CADPS2: variants seen among roughly 807,000 people sequenced by gnomAD.
CADPS2 encodes the protein calcium dependent secretion activator 2.
CADPS2 carries 93 observed loss-of-function variants against 172.5 expected under a neutral mutation model. The observed-to-expected ratio is 0.54, with a 90% CI of 0.46 to 0.64. The LOEUF is 0.64. Among genes scored for constraint, CADPS2 ranks in the 30% least tolerant of loss-of-function variants. The pLI, the probability that CADPS2 is intolerant of heterozygous loss-of-function variation, is 0.00. For missense variants in CADPS2, 1,420 were observed against 1,565.9 expected (o/e 0.91, Z 1.57); for synonymous variants, 546 against 555.2 (o/e 0.98, Z 0.23).
Position 122,698,245 on chromosome 7 carries a change from C to T in CADPS2, c.454-34676G>A, listed in dbSNP as rs751841527. On this transcript the variant is annotated intron_variant, in intron 2 of 29. Coordinates refer to ENST00000449022, the MANE Select transcript of CADPS2 (RefSeq NM_017954.11). ...TGTGTTCTGAAGATCTGTTGTTAATCGCTGCCATCTCCGGTTCTGAATCCT... is the reference window on the plus strand; with the variant it reads ...TGTGTTCTGAAGATCTGTTGTTAATTGCTGCCATCTCCGGTTCTGAATCCT... 1.3e-5 allele frequency: 21 copies of T among 1,613,788 alleles called. No individual in the cohort carries two copies. The highest frequency in any genetic ancestry group is 6.7e-5 in the African/African-American group (5 of 74,890).
chr7:122,663,273 T>A lies in CADPS2; in HGVS notation c.750A>T (p.Lys250Asn). ...YEMFQQILGI[K>N]KLEHQLLYNA... Reference sequence around the variant, plus strand: ...TATAAAGGAGCTGGTGTTCCAGTTTTTTAATACCCAGAATCTGCTGAAACA... The same window carrying A: ...TATAAAGGAGCTGGTGTTCCAGTTTATTAATACCCAGAATCTGCTGAAACA... The change falls in exon 3 of 30, where the codon AAA becomes AAT. Residue 250 changes from lysine to asparagine, a missense_variant. By Grantham distance (94) the Lys-to-Asn change is moderately conservative (BLOSUM62 0). Coordinates refer to ENST00000449022, the MANE Select transcript of CADPS2 (RefSeq NM_017954.11). 6.2e-7 allele frequency: 1 copy of A among 1,613,688 alleles called. No homozygotes were observed. The highest frequency in any genetic ancestry group is 8.5e-7 in the Non-Finnish European group (1 of 1,179,726).
chr7:122,424,161 G>A (rs769477456), intron 17 of CADPS2: 21 of 175,646 alleles, frequency 1.2e-4, no homozygotes, highest in Non-Finnish European at 1.9e-4. Context: ...GAAAACAATA[G>A]GTCTGTGGCC....
intron 6 of CADPS2, among the ~76,000 whole-genome samples, chr7:122,596,777 C>A (rs1355720847): frequency 6.6e-6 from 1 of 152,068 alleles, no homozygotes; most frequent in Non-Finnish European, 1.5e-5. Context: ...ATCCTGGTTT[C>A]CCTACTGAAG....
At chr7:122,612,731 CA>C (rs1309072170) in intron 6 of CADPS2, among the ~76,000 whole-genome samples, 1 of 151,926 alleles carries the variant, frequency 6.6e-6, no homozygotes, top group East Asian at 1.9e-4. Context: ...TCAGAATAGC[CA>C]AAACAATCTT....
At chr7:122,622,565 C>T (rs1006822522) in intron 4 of CADPS2, among the ~76,000 whole-genome samples, 1 of 151,970 alleles carries the variant, frequency 6.6e-6, no homozygotes, top group Non-Finnish European at 1.5e-5. Flanking sequence ...ATTTATATTC[C>T]CCAGAACAGC....
intron 2 of CADPS2, among the ~76,000 whole-genome samples, chr7:122,691,667 C>T (rs897807800): frequency 6.6e-6 from 1 of 152,226 alleles, no homozygotes; most frequent in African/African-American, 2.4e-5. Context: ...CATTGTCACC[C>T]TCCCATGAAG....
At chr7:122,739,936 G>C (rs1283606347) in intron 1 of CADPS2, among the ~76,000 whole-genome samples, 1 of 152,098 alleles carries the variant, frequency 6.6e-6, no homozygotes, top group African/African-American at 2.4e-5. Context: ...ACTCAAATCA[G>C]TAGTAATGGA....
At chr7:122,527,920 AAG>A (rs1217786549) in intron 8 of CADPS2, among the ~76,000 whole-genome samples, 2 of 152,072 alleles carry the variant, frequency 1.3e-5, no homozygotes, top group African/African-American at 4.8e-5. Context: ...CAAACAGAGA[AAG>A]AGAGAGAACC....
At chr7:122,682,915 C>T (rs112577400) in intron 2 of CADPS2, among the ~76,000 whole-genome samples, 105 of 152,172 alleles carry the variant, frequency 6.9e-4, no homozygotes, top group Non-Finnish European at 1.6e-4. Flanking sequence ...CCACTCCTCA[C>T]GAGAGAGAAC....
intron 2 of CADPS2, among the ~76,000 whole-genome samples, chr7:122,725,304 C>T (rs2090961858): frequency 6.6e-6 from 1 of 151,856 alleles, no homozygotes; most frequent in Non-Finnish European, 1.5e-5. Context: ...TTGCAAACTA[C>T]AACTCGTCCA....
chr7:122,360,151 T>C (rs928391920), intron 27 of CADPS2, among the ~76,000 whole-genome samples: 2 of 152,210 alleles, frequency 1.3e-5, no homozygotes, highest in African/African-American at 2.4e-5. Context: ...ATATAGGTGA[T>C]AATAGAATTT....
intron 1 of CADPS2, among the ~76,000 whole-genome samples, chr7:122,867,669 G>A (rs1818659467): frequency 6.6e-6 from 1 of 152,106 alleles, no homozygotes; most frequent in Middle Eastern, 3.2e-3. Flanking sequence ...TAGCCCCCAG[G>A]ATCAGCCCAA....
At chr7:122,813,118 G>A (rs1027627826) in intron 1 of CADPS2, among the ~76,000 whole-genome samples, 6 of 151,696 alleles carry the variant, frequency 4.0e-5, no homozygotes, top group South Asian at 2.1e-4. Context: ...GCACAGGTAC[G>A]GAAAAAAAAG....
chr7:122,816,572 C>T (rs1801478230), intron 1 of CADPS2, among the ~76,000 whole-genome samples: 1 of 152,182 alleles, frequency 6.6e-6, no homozygotes, highest in Non-Finnish European at 1.5e-5. Flanking sequence ...CTGGATCATA[C>T]AGTAGTTCTA....
intron 24 of CADPS2, among the ~76,000 whole-genome samples, chr7:122,385,583 G>A (rs534173333): frequency 2.0e-4 from 31 of 151,992 alleles, no homozygotes; most frequent in African/African-American, 7.5e-4. Flanking sequence ...AAAAAAAAAA[G>A]TATACACTAG....
intron 12 of CADPS2, among the ~76,000 whole-genome samples, chr7:122,478,830 T>A (rs890740101): frequency 6.6e-6 from 1 of 152,116 alleles, no homozygotes. Context: ...TTGAAAAAAA[T>A]TTGAAATACT....
At chr7:122,337,846 AT>A (rs143151492) in intron 28 of CADPS2, among the ~76,000 whole-genome samples, 153 of 151,948 alleles carry the variant, frequency 1.0e-3, no homozygotes, top group African/African-American at 3.5e-3. Flanking sequence ...GACTATGACT[AT>A]CTTAAAAGAG....
intron 11 of CADPS2, among the ~76,000 whole-genome samples, chr7:122,487,340 A>G (rs781183355): frequency 2.0e-5 from 3 of 152,120 alleles, no homozygotes; most frequent in Non-Finnish European, 4.4e-5. Flanking sequence ...CTGGGAAACC[A>G]AAGAATTTGT....
intron 1 of CADPS2, among the ~76,000 whole-genome samples, chr7:122,872,562 T>C (rs1194721561): frequency 6.6e-6 from 1 of 152,066 alleles, no homozygotes; most frequent in Non-Finnish European, 1.5e-5. Flanking sequence ...GCTTCAAAAG[T>C]GTAGGCTAAA....
Sources: allele counts gnomAD v4.1 joint callset (sites outside exome capture counted in the v4.1 genomes callset), GRCh38; gene constraint gnomAD v4.1.1; transcripts MANE v1.5; gene names NCBI Gene and HGNC (gene_info 2026-07-23, HGNC 2026-07-21).